PDGFD: variants seen among roughly 807,000 people sequenced by gnomAD.
The protein encoded by PDGFD is platelet derived growth factor D.
In PDGFD, 30 loss-of-function variants were observed where a neutral mutation model predicts 44.7. That is an observed-to-expected ratio of 0.67 (90% CI 0.50 to 0.91). The LOEUF is 0.91. Among genes scored for constraint, PDGFD ranks in the 40% least tolerant of loss-of-function variants. The probability of loss-of-function intolerance (pLI) is 0.00; values close to 1 mark genes in which losing one functional copy is unlikely to be tolerated. For missense variants in PDGFD, 445 were observed against 457.8 expected, an observed-to-expected ratio of 0.97 and a Z score of 0.25; for synonymous variants, 173 against 168.4, an observed-to-expected ratio of 1.03 and a Z score of -0.21.
intron 3 of PDGFD, among the ~76,000 whole-genome samples, chr11:103,994,487 C>T (rs1193347149): frequency 6.6e-6 from 1 of 152,074 alleles, no homozygotes; most frequent in Non-Finnish European, 1.5e-5. Flanking sequence ...CCAGTGTTAC[C>T]GCATGTTATT....
chr11:103,923,272 C>T (rs1054157752), intron 6 of PDGFD, among the ~76,000 whole-genome samples: 2 of 152,102 alleles, frequency 1.3e-5, no homozygotes, highest in Admixed American at 1.3e-4. Flanking sequence ...AGGGTACCTA[C>T]AAACTTTTGA....
At chr11:104,123,104 T>C (rs1457652291) in intron 1 of PDGFD, among the ~76,000 whole-genome samples, 1 of 151,984 alleles carries the variant, frequency 6.6e-6, no homozygotes, top group Non-Finnish European at 1.5e-5. Context: ...GTAGTGAAAA[T>C]ATAGTATCCT....
At chr11:104,092,440 G>A (rs563868468) in intron 1 of PDGFD, among the ~76,000 whole-genome samples, 4 of 152,072 alleles carry the variant, frequency 2.6e-5, no homozygotes, top group African/African-American at 9.7e-5. Context: ...CACCCTCTGC[G>A]CTATCTCAAA....
intron 1 of PDGFD, among the ~76,000 whole-genome samples, chr11:104,137,807 A>G (rs10502029): frequency 0.14 from 19,218 of 137,028 alleles, 1,372 homozygotes; most frequent in East Asian, 0.3. Flanking sequence ...TCTGTCCGAC[A>G]TTTGACACTC....
chr11:103,961,148 C>T (rs756604102), intron 3 of PDGFD, among the ~76,000 whole-genome samples: 1 of 152,132 alleles, frequency 6.6e-6, no homozygotes, highest in Admixed American at 6.6e-5. Flanking sequence ...CACCAAGTAC[C>T]TACAACAGGG....
chr11:104,031,383 T>C (rs1329058023), intron 1 of PDGFD, among the ~76,000 whole-genome samples: 2 of 152,092 alleles, frequency 1.3e-5, no homozygotes, highest in Non-Finnish European at 2.9e-5. Flanking sequence ...AAAAAACATA[T>C]TTAAAAAAGC....
chr11:104,084,849 A>G (rs1861105764), intron 1 of PDGFD, among the ~76,000 whole-genome samples: 3 of 128,126 alleles, frequency 2.3e-5, no homozygotes. Flanking sequence ...TAATGTATAT[A>G]TTTTAAAATA....
intron 6 of PDGFD, among the ~76,000 whole-genome samples, chr11:103,912,950 G>A (rs1858054546): frequency 6.6e-6 from 1 of 152,118 alleles, no homozygotes; most frequent in Non-Finnish European, 1.5e-5. Context: ...AAATATACAT[G>A]CACCCAATAC....
rs547794131 is a variant in PDGFD at position 104,092,723 on chromosome 11, G to A, written c.124+71081C>T. Among the ~76,000 whole-genome samples the A allele has an allele frequency of 6.6e-5, 10 of 152,198 alleles. No homozygotes were observed. The East Asian group carries it at 1.9e-3, about 29-fold the overall frequency. On this transcript the variant is annotated intron_variant, in intron 1 of 6. Coordinates refer to ENST00000393158, the MANE Select transcript of PDGFD (RefSeq NM_025208.5). ...AAATATAAAGCCTCTTTTAAAAAAGGTGCACAAATGATGTTGGCTTATCTG... is the reference window on the plus strand; with the variant it reads ...AAATATAAAGCCTCTTTTAAAAAAGATGCACAAATGATGTTGGCTTATCTG...
chr11:104,057,170 G>T (rs879410775), intron 1 of PDGFD, among the ~76,000 whole-genome samples: 1 of 152,116 alleles, frequency 6.6e-6, no homozygotes. Context: ...TCTTAAGAAT[G>T]AGTTTGACAA....
At chr11:104,027,035 T>C (rs1860051852) in intron 1 of PDGFD, among the ~76,000 whole-genome samples, 1 of 152,252 alleles carries the variant, frequency 6.6e-6, no homozygotes, top group South Asian at 2.1e-4. Context: ...TTAACAATTC[T>C]ATAAGCACCT....
intron 5 of PDGFD, among the ~76,000 whole-genome samples, chr11:103,938,595 T>C (rs940142156): frequency 1.3e-5 from 2 of 152,196 alleles, no homozygotes; most frequent in African/African-American, 4.8e-5. Context: ...TTTGTTGCCA[T>C]TGCTTTTGGT....
chr11:104,032,304 A>T (rs989147793), intron 1 of PDGFD, among the ~76,000 whole-genome samples: 56 of 152,248 alleles, frequency 3.7e-4, no homozygotes, highest in Non-Finnish European at 1.2e-4. Context: ...CAAATAAAAG[A>T]ATTATGAAAA....
At chr11:104,102,282 C>A (rs191920572) in intron 1 of PDGFD, among the ~76,000 whole-genome samples, 3 of 152,164 alleles carry the variant, frequency 2.0e-5, no homozygotes, top group South Asian at 2.1e-4. Context: ...TGAACAGACA[C>A]TTCTCAAAAG....
intron 6 of PDGFD, among the ~76,000 whole-genome samples, chr11:103,919,502 CTTTTTTTTT>C (rs71037206): frequency 1.1e-5 from 1 of 88,764 alleles, no homozygotes; most frequent in Non-Finnish European, 2.1e-5. Flanking sequence ...AAGATTCTTC[CTTTTTTTTT>C]TTTTTTTTTT....
intron 1 of PDGFD, among the ~76,000 whole-genome samples, chr11:104,035,567 T>C (rs1223541314): frequency 3.0e-4 from 20 of 67,366 alleles, no homozygotes; most frequent in East Asian, 2.1e-3. Flanking sequence ...TTTTCTTTTT[T>C]TTTTTTTTTT....
At chr11:104,044,926 T>C (rs536648996) in intron 1 of PDGFD, among the ~76,000 whole-genome samples, 10 of 152,218 alleles carry the variant, frequency 6.6e-5, no homozygotes, top group Non-Finnish European at 1.2e-4. Flanking sequence ...TAGTCCCAGG[T>C]AGTCCGGAGG....
chr11:103,927,092 A>T lies in PDGFD; in HGVS notation c.807T>A (p.Arg269=). The T allele has an allele frequency of 6.2e-7, 1 of 1,614,144 alleles. No individual in the cohort carries two copies. The highest frequency in any genetic ancestry group is 8.5e-7 in the Non-Finnish European group (1 of 1,180,004). ...DLDRLNDDAK[R]YSCTPRNYSV... is the part of the protein sequence containing the mutation. ...AGTAATTCCTGGGAGTGCAACTGTA[A>T]CGCTTGGCATCATCATTGAGCCTAT... Residue 269 remains arginine, a synonymous_variant, in exon 6 of 7, where the codon CGT becomes CGA. Transcript: ENST00000393158.
At chr11:104,028,204 A>G (rs954122096) in intron 1 of PDGFD, among the ~76,000 whole-genome samples, 1 of 151,834 alleles carries the variant, frequency 6.6e-6, no homozygotes, top group African/African-American at 2.4e-5. Flanking sequence ...AAAAAAAAAA[A>G]AAAAAAGCAT....
Sources: gnomAD v4.1 joint callset for allele counts (sites outside exome capture counted in the v4.1 genomes callset) on GRCh38, gnomAD v4.1.1 for gene constraint, MANE v1.5 for transcripts, NCBI Gene and HGNC (gene_info 2026-07-23, HGNC 2026-07-21) for gene names.